The following WWOX variants were observed in gnomAD, a reference collection of about 807,000 sequenced individuals.
WWOX encodes the protein WW domain-containing oxidoreductase.
A neutral mutation model predicts 46.2 loss-of-function variants in WWOX; 69 were observed. The observed-to-expected ratio is 1.49, with a 90% CI of 1.23 to 1.82. The LOEUF (loss-of-function observed/expected upper bound fraction) is 1.82, where lower values mean the gene tolerates loss of function less well. WWOX is among the 40% of genes most tolerant of loss of function. The pLI is 0.00. For synonymous variants in WWOX, 359 were observed against 202.6 expected (o/e 1.77, Z -6.56); for missense variants, 919 against 542.6 (o/e 1.69, Z -6.89).
chr16:78,548,398 C>T (rs753971830), intron 8 of WWOX, among the ~76,000 whole-genome samples: 6 of 151,874 alleles, frequency 4.0e-5, no homozygotes, highest in South Asian at 2.1e-4. Context: ...GAGCAGAATC[C>T]GAATTTTCTA....
intron 5 of WWOX, among the ~76,000 whole-genome samples, chr16:78,203,978 G>T (rs115518087): frequency 3.7e-4 from 56 of 152,338 alleles, no homozygotes; most frequent in African/African-American, 1.3e-3. Context: ...TGGGTAACAA[G>T]TGTGTATCTA....
chr16:78,150,974 C>A (rs1432450820), intron 4 of WWOX, among the ~76,000 whole-genome samples: 2 of 152,050 alleles, frequency 1.3e-5, no homozygotes, highest in Admixed American at 6.6e-5. Context: ...AACTTCTGGG[C>A]TCAAGTGATC....
At chr16:78,315,318 T>G (rs1310767404) in intron 5 of WWOX, among the ~76,000 whole-genome samples, 1 of 152,176 alleles carries the variant, frequency 6.6e-6, no homozygotes, top group African/African-American at 2.4e-5. Flanking sequence ...ATTGTGCCCT[T>G]TAGAGGATAA....
At chr16:78,442,970 A>C (rs2151398287) in intron 8 of WWOX, among the ~76,000 whole-genome samples, 1 of 151,938 alleles carries the variant, frequency 6.6e-6, no homozygotes, top group African/African-American at 2.4e-5. Context: ...AAAATACAAA[A>C]AAATTAGCCA....
chr16:78,690,616 G>A (rs1457007480), intron 8 of WWOX, among the ~76,000 whole-genome samples: 6 of 151,896 alleles, frequency 4.0e-5, no homozygotes, highest in Non-Finnish European at 1.5e-5. Context: ...GTGGAAATAG[G>A]GCACACACAT....
At chr16:78,140,776 C>T (rs2033959523) in intron 4 of WWOX, among the ~76,000 whole-genome samples, 1 of 152,176 alleles carries the variant, frequency 6.6e-6, no homozygotes, top group African/African-American at 2.4e-5. Flanking sequence ...AGTAAGGTGA[C>T]ATTCTGAGGT....
intron 8 of WWOX, among the ~76,000 whole-genome samples, chr16:79,013,808 C>T (rs1260722628): frequency 6.6e-6 from 1 of 152,192 alleles, no homozygotes; most frequent in Non-Finnish European, 1.5e-5. Context: ...TTGCCTCCTA[C>T]ATGGGGAAGG....
intron 8 of WWOX, among the ~76,000 whole-genome samples, chr16:78,734,250 A>G (rs931301005): frequency 6.6e-6 from 1 of 151,974 alleles, no homozygotes; most frequent in African/African-American, 2.4e-5. Context: ...TTTTTTTTAT[A>G]AGTGCAAGGA....
At chr16:78,714,290 G>A (rs1425091808) in intron 8 of WWOX, among the ~76,000 whole-genome samples, 2 of 152,098 alleles carry the variant, frequency 1.3e-5, no homozygotes, top group South Asian at 2.1e-4. Context: ...GAGGCCACAC[G>A]ATCATGGCGG....
chr16:78,122,228 C>T (rs930382227), intron 4 of WWOX, among the ~76,000 whole-genome samples: 16 of 152,090 alleles, frequency 1.1e-4, no homozygotes, highest in African/African-American at 3.4e-4. Context: ...GGTCTTGGAA[C>T]GCATCTCCCG....
intron 6 of WWOX, 77 bp from the exon 7 acceptor site, chr16:78,424,793 T>A (rs751007131): frequency 3.9e-6 from 6 of 1,529,312 alleles, no homozygotes; most frequent in Non-Finnish European, 4.5e-6. Context: ...CCACATCACG[T>A]GGATTCCCGA....
At position 78,784,431 on chromosome 16, in the gene WWOX, G is replaced by A. The variant is rs569081861; in HGVS notation, c.1056+351679G>A. 1.2e-3 allele frequency among the ~76,000 whole-genome samples: 185 copies of A among 152,022 alleles called. 1 individual carries two copies. Among genetic ancestry groups the A allele is most frequent in the African/African-American group, 3.9e-3 (160 of 41,460 alleles). ...TTCTCCACCCAGGAGCCCTTAGGCC[G>A]CTGGTGAGTGAAGTTCTTACCCATT... On this transcript the variant is annotated intron_variant, in intron 8 of 8. Transcript: ENST00000566780.
chr16:78,190,753 C>A (rs2035859184), intron 5 of WWOX, among the ~76,000 whole-genome samples: 1 of 152,126 alleles, frequency 6.6e-6, no homozygotes, highest in African/African-American at 2.4e-5. Flanking sequence ...CCAACCTGAG[C>A]CAGATAATTA....
At chr16:78,425,749 C>G (rs934166726) in intron 7 of WWOX, among the ~76,000 whole-genome samples, 1 of 152,108 alleles carries the variant, frequency 6.6e-6, no homozygotes, top group Non-Finnish European at 1.5e-5. Flanking sequence ...CTGGGTGAGG[C>G]TGGATTTAAT....
At position 78,359,655 on chromosome 16, in the gene WWOX, C is replaced by T. The variant is rs182542866; in HGVS notation, c.517-27205C>T. On this transcript the variant is annotated intron_variant, in intron 5 of 8. Coordinates refer to ENST00000566780, the MANE Select transcript of WWOX (RefSeq NM_016373.4). ...AATATTTCAAAAGCTACAGAGATAC[C>T]GTAACATTTAAAAAAATAAATTTTC... Among the ~76,000 whole-genome samples the T allele has an allele frequency of 1.6e-4, 25 of 152,076 alleles. No individual in the cohort carries two copies. The East Asian group carries it at 4.1e-3, about 25-fold the overall frequency.
At chr16:78,908,364 A>AC (rs2045020648) in intron 8 of WWOX, among the ~76,000 whole-genome samples, 2 of 151,974 alleles carry the variant, frequency 1.3e-5, no homozygotes, top group Non-Finnish European at 1.5e-5. Flanking sequence ...AGGTGGTGAA[A>AC]CCCCATCCCT....
intron 8 of WWOX, among the ~76,000 whole-genome samples, chr16:79,012,157 C>G (rs1284588150): frequency 6.6e-6 from 1 of 152,180 alleles, no homozygotes; most frequent in African/African-American, 2.4e-5. Context: ...TGGATGTCTT[C>G]TATCTCTGCC....
chr16:78,955,495 G>A (rs936057671), intron 8 of WWOX, among the ~76,000 whole-genome samples: 5 of 152,094 alleles, frequency 3.3e-5, no homozygotes, highest in Admixed American at 2.0e-4. Flanking sequence ...CTAGGATGGC[G>A]CGAAGTTCAC....
At chr16:78,930,984 C>G (rs914134804) in intron 8 of WWOX, among the ~76,000 whole-genome samples, 1 of 152,186 alleles carries the variant, frequency 6.6e-6, no homozygotes, top group Admixed American at 6.5e-5. Context: ...CCTCAGTTTC[C>G]TCATCCATAA....
Sources: allele counts gnomAD v4.1 joint callset (sites outside exome capture counted in the v4.1 genomes callset), GRCh38; gene constraint gnomAD v4.1.1; transcripts MANE v1.5; gene names NCBI Gene and HGNC (gene_info 2026-07-23, HGNC 2026-07-21).